The following CYP3A5 variants were observed in gnomAD, a reference collection of about 807,000 sequenced individuals.
CYP3A5 encodes cytochrome P450 family 3 subfamily A member 5, also known as cytochrome P450 3A5.
CYP3A5 carries 51 observed loss-of-function variants against 55.9 expected under a neutral mutation model. The ratio of observed to expected loss-of-function variants is 0.91; its 90% CI spans 0.73 to 1.15. CYP3A5 has a LOEUF of 1.15. Among genes scored for constraint, CYP3A5 ranks in the 50% most tolerant of loss-of-function variants. The pLI is 0.00. For synonymous variants in CYP3A5, 196 were observed against 213.9 expected, an observed-to-expected ratio of 0.92 and a Z score of 0.73; for missense variants, 533 against 596.6, an observed-to-expected ratio of 0.89 and a Z score of 1.11.
At chr7:99,669,092 C>T (rs553892896) in intron 4 of CYP3A5, among the ~76,000 whole-genome samples, 61 of 152,126 alleles carry the variant, frequency 4.0e-4, no homozygotes, top group African/African-American at 1.5e-3. Flanking sequence ...CTTTTAATTC[C>T]AGAATGGCTT....
At position 99,671,920 on chromosome 7, in the gene CYP3A5, AAC is replaced by A. The variant is rs1170167338; in HGVS notation, c.318+658_318+659del. The A allele has an allele frequency of 5.8e-6, 4 of 692,626 alleles. No homozygotes were observed. In the South Asian group the frequency reaches 6.1e-5, roughly 11 times the overall value. 42.9% of individuals were successfully genotyped at this position (692,626 alleles called of 1,614,324 possible). A position where few individuals can be genotyped will look rare whatever the true frequency, so the allele number is the denominator to read the frequency against. On this transcript the variant is annotated intron_variant, in intron 4 of 12. Transcript: ENST00000222982. ...TTGCTTAGAACTACCCACACACATA[AAC>A]ACACACAAACAAGGGCATGTAAAAC...
At chr7:99,659,245 A>G (rs889285196) in intron 10 of CYP3A5, 1 of 152,088 alleles carries the variant, frequency 6.6e-6, no homozygotes, top group Non-Finnish European at 1.5e-5. Context: ...TGATGTACAG[A>G]TGGGTTTTGG....
At chr7:99,660,167 G>C (rs1452070720) in intron 10 of CYP3A5, 1 of 937,050 alleles carries the variant, frequency 1.1e-6, no homozygotes, top group Non-Finnish European at 1.3e-6. Context: ...CACGCTGGGA[G>C]CTGTAGACTG....
Position 99,650,085 on chromosome 7 carries a change from A to G in CYP3A5, c.1401T>C (p.Cys467=), listed in dbSNP as rs1186835484. Residue 467 remains cysteine (C), a synonymous_variant, in exon 12 of 13, where the codon TGT becomes TGC. Transcript: ENST00000222982. Reference sequence around the variant, plus strand: ...AAAGTGTACTGACCTGTGTTTCTTTACAAGGTTTGAAGGAGAAGTTCTGAA... The same window carrying G: ...AAAGTGTACTGACCTGTGTTTCTTTGCAAGGTTTGAAGGAGAAGTTCTGAA... ...RVLQNFSFKP[C]KETQIPLKLD... The G allele has an allele frequency of 1.9e-6, 3 of 1,614,128 alleles. No individual in the cohort carries two copies. Among genetic ancestry groups the G allele is most frequent in the African/African-American group, 1.3e-5 (1 of 75,052 alleles).
intron 12 of CYP3A5, among the ~76,000 whole-genome samples, chr7:99,649,430 C>A (rs1171446403): frequency 6.6e-6 from 1 of 152,182 alleles, no homozygotes; most frequent in Non-Finnish European, 1.5e-5. Flanking sequence ...GATTCTAAAT[C>A]TTTCTTTAAA....
chr7:99,662,828 C>CA lies in CYP3A5; in HGVS notation c.852dup (p.Glu285Ter), dbSNP rs1584438567. The CA allele has an allele frequency of 6.2e-7, 1 of 1,613,978 alleles. No homozygotes were observed. The highest frequency in any genetic ancestry group is 1.3e-5 in the African/African-American group (1 of 75,032). On this transcript the variant is annotated frameshift_variant, in exon 9 of 13. Transcript: ENST00000222982. LOFTEE classifies it high-confidence loss of function. This position sits in a 1 kb window ranked among gnomAD's most constrained non-coding sequence, Gnocchi z 4.3. ...ACTCCTTGGTTACCTTTGTGGGACT[C>CA]AGTTTCTTTCGAATTCTGGGAGTCA...
chr7:99,660,773 T>A, intron 9 of CYP3A5, 114 bp from the exon 10 acceptor site: 1 of 1,283,956 alleles, frequency 7.8e-7, no homozygotes, highest in Non-Finnish European at 1.1e-6. Flanking sequence ...GAAAAGCAAT[T>A]CAAAGTCACA....
At chr7:99,652,038 G>A (rs1289246768) in intron 11 of CYP3A5, among the ~76,000 whole-genome samples, 1 of 152,098 alleles carries the variant, frequency 6.6e-6, no homozygotes, top group Admixed American at 6.5e-5. Context: ...GTGGAAGCAT[G>A]TTTTAAAGTT....
chr7:99,648,437 ATGAAG>A (rs1430488651), intron 12 of CYP3A5, 37 bp from the exon 13 acceptor site: 1 of 1,482,264 alleles, frequency 6.7e-7, no homozygotes, highest in Non-Finnish European at 9.2e-7. Context: ...GAATTAATAA[ATGAAG>A]TGAAAGAAGA....
intron 7 of CYP3A5, 125 bp from the exon 8 acceptor site, chr7:99,664,220 C>T (rs945864809): frequency 1.1e-6 from 1 of 877,434 alleles, no homozygotes; most frequent in Admixed American, 2.7e-5. Flanking sequence ...GAACCCATTC[C>T]TTTTATCATG....
Position 99,679,929 on chromosome 7 carries a change from G to A in CYP3A5, c.-33C>T. On this transcript the variant is annotated 5_prime_UTR_variant, in exon 1 of 13. Coordinates refer to ENST00000222982, the MANE Select transcript of CYP3A5 (RefSeq NM_000777.5). ...TTCCTTCTTCAACTGTGTTCTGTGAGTCTTCCTTTTAGCTGAGTGCTGCTG... is the reference window on the plus strand; with the variant it reads ...TTCCTTCTTCAACTGTGTTCTGTGAATCTTCCTTTTAGCTGAGTGCTGCTG... The A allele has an allele frequency of 1.3e-6, 2 of 1,599,146 alleles. No homozygotes were observed. Among genetic ancestry groups the A allele is most frequent in the Non-Finnish European group, 1.7e-6 (2 of 1,166,468 alleles).
At chr7:99,660,708 A>G (rs538642117) in intron 9 of CYP3A5, 49 bp from the exon 10 acceptor site, 5 of 1,595,584 alleles carry the variant, frequency 3.1e-6, no homozygotes, top group Non-Finnish European at 4.3e-6. Flanking sequence ...AACGTACAAC[A>G]TCACAGCTTA....
chr7:99,665,611 T>C (rs752129168), intron 6 of CYP3A5, among the ~76,000 whole-genome samples: 8 of 152,246 alleles, frequency 5.3e-5, no homozygotes, highest in Non-Finnish European at 8.8e-5. Context: ...TACAGTAGCA[T>C]GTGTTGAGTG....
Position 99,648,471 on chromosome 7 carries a change from GAA to G in CYP3A5, c.1414-73_1414-72del, listed in dbSNP as rs1473538956. 19 of 814,344 alleles carry G rather than the reference GAA, an allele frequency of 2.3e-5. No individual in the cohort carries two copies. In the East Asian group the frequency reaches 7.4e-4, roughly 32 times the overall value. The allele number at this position is 814,344 out of a possible 1,614,324, so 50.4% of individuals were successfully genotyped here. Reference sequence around the variant, plus strand: ...AAGAAGAAAAGATGGAAGCAAAGTAGAAAAAATATGACAAAAATGCTTTGCAA... The same window carrying G: ...AAGAAGAAAAGATGGAAGCAAAGTAGAAAATATGACAAAAATGCTTTGCAA... On this transcript the variant is annotated intron_variant, in intron 12 of 12. Coordinates refer to ENST00000222982, the MANE Select transcript of CYP3A5 (RefSeq NM_000777.5).
chr7:99,671,398 ACAGCTACTAGAGTCAC>A (rs1263276466), intron 4 of CYP3A5: 1 of 163,688 alleles, frequency 6.1e-6, no homozygotes, highest in African/African-American at 2.4e-5. Flanking sequence ...GAGTTACTGT[ACAGCTACTAGAGTCAC>A]CACAGTGTGG....
intron 4 of CYP3A5, among the ~76,000 whole-genome samples, chr7:99,672,243 G>A (rs1420159763): frequency 1.3e-5 from 2 of 152,022 alleles, no homozygotes; most frequent in Non-Finnish European, 2.9e-5. Context: ...GTAGAGATGG[G>A]GTTTCACCAT....
At chr7:99,657,179 T>G (rs1357287074) in intron 10 of CYP3A5, among the ~76,000 whole-genome samples, 4 of 152,246 alleles carry the variant, frequency 2.6e-5, no homozygotes, top group Non-Finnish European at 4.4e-5. Context: ...GATGTTAGGG[T>G]GTCAATGTTA....
At position 99,650,216 on chromosome 7, in the gene CYP3A5, CCTT is replaced by C. The variant is rs757074107; in HGVS notation, c.1267_1269del (p.Lys423del). On this transcript the variant is annotated inframe_deletion, in exon 12 of 13. Coordinates refer to ENST00000222982, the MANE Select transcript of CYP3A5 (RefSeq NM_000777.5). ...GTGTATATGTAAGGATCTATGCTGTCCTTCTTCTTACTGAACCTAGTTCCATAT... is the reference window on the plus strand; with the variant it reads ...GTGTATATGTAAGGATCTATGCTGTCCTTCTTACTGAACCTAGTTCCATAT... 11 of 1,613,566 alleles carry C rather than the reference CCTT, an allele frequency of 6.8e-6. No homozygotes were observed. The highest frequency in any genetic ancestry group is 4.0e-5 in the African/African-American group (3 of 74,882).
At chr7:99,663,519 AC>A in intron 8 of CYP3A5, 1 of 991,784 alleles carries the variant, frequency 1.0e-6, no homozygotes, top group Non-Finnish European at 1.2e-6. Flanking sequence ...CACATTTACC[AC>A]ACACTACATG....
Sources: gnomAD v4.1 joint callset for allele counts (sites outside exome capture counted in the v4.1 genomes callset) on GRCh38, gnomAD v4.1.1 for gene constraint, Gnocchi (gnomAD v3.1) non-coding constraint, MANE v1.5 for transcripts, NCBI Gene and HGNC (gene_info 2026-07-23, HGNC 2026-07-21) for gene names.